CALN1: variants seen among roughly 807,000 people sequenced by gnomAD.
CALN1 encodes calneuron 1.
A neutral mutation model predicts 30.6 loss-of-function variants in CALN1; 17 were observed. That is an observed-to-expected ratio of 0.56 (90% CI 0.38 to 0.83). The LOEUF is 0.83. Ranked by LOEUF, CALN1 falls within the 40% of genes least tolerant of loss-of-function variation. The pLI, the probability that CALN1 is intolerant of heterozygous loss-of-function variation, is 0.00. For synonymous variants in CALN1, 156 were observed against 131.4 expected (o/e 1.19, Z -1.28); for missense variants, 291 against 354.9 (o/e 0.82, Z 1.45).
At chr7:71,929,236 A>G (rs943171666) in intron 5 of CALN1, among the ~76,000 whole-genome samples, 3 of 152,148 alleles carry the variant, frequency 2.0e-5, no homozygotes, top group African/African-American at 7.2e-5. Context: ...CTAGATATTC[A>G]GCCCAGAATC....
chr7:72,497,441 A>T, the CALN1 span, among the ~76,000 whole-genome samples: 1 of 152,208 alleles, frequency 6.6e-6, no homozygotes, highest in African/African-American at 2.4e-5. Context: ...CCCCATCTCA[A>T]AAAAAACAAA....
intron 3 of CALN1, among the ~76,000 whole-genome samples, chr7:72,147,068 C>T (rs1184940473): frequency 6.6e-6 from 1 of 152,202 alleles, no homozygotes; most frequent in East Asian, 1.9e-4. Context: ...GCAAGGACTT[C>T]ATGTCTAAAA....
At chr7:71,879,653 C>T (rs1792452272) in intron 5 of CALN1, among the ~76,000 whole-genome samples, 1 of 152,202 alleles carries the variant, frequency 6.6e-6, no homozygotes, top group South Asian at 2.1e-4. Context: ...CTCTGAAGAG[C>T]TCCAGGGTCC....
chr7:72,364,866 C>T (rs1437157339), intron 2 of CALN1, among the ~76,000 whole-genome samples: 1 of 152,196 alleles, frequency 6.6e-6, no homozygotes, highest in African/African-American at 2.4e-5. Context: ...GAAACCTCGT[C>T]TCTACTAAAA....
chr7:72,252,651 A>G (rs1373934311), intron 3 of CALN1, among the ~76,000 whole-genome samples: 1 of 150,502 alleles, frequency 6.6e-6, no homozygotes, highest in Non-Finnish European at 1.5e-5. Context: ...GGAGGGAGGG[A>G]CGGAGATCCA....
chr7:72,353,710 G>T (rs935787665), intron 2 of CALN1, among the ~76,000 whole-genome samples: 1 of 152,078 alleles, frequency 6.6e-6, no homozygotes, highest in Non-Finnish European at 1.5e-5. Flanking sequence ...AGTGAAATAA[G>T]TCAATAAAAA....
At chr7:72,220,433 A>G (rs988694667) in intron 3 of CALN1, among the ~76,000 whole-genome samples, 29 of 151,568 alleles carry the variant, frequency 1.9e-4, no homozygotes, top group African/African-American at 6.5e-4. Context: ...TTCTTAATCC[A>G]GTCTATTGTT....
intron 2 of CALN1, among the ~76,000 whole-genome samples, chr7:72,290,607 G>C (rs1242347344): frequency 6.6e-6 from 1 of 152,148 alleles, no homozygotes; most frequent in Non-Finnish European, 1.5e-5. Context: ...AATACCCAGA[G>C]TGGTTACTGG....
chr7:72,014,688 G>T (rs1800278462), intron 5 of CALN1, among the ~76,000 whole-genome samples: 1 of 152,038 alleles, frequency 6.6e-6, no homozygotes, highest in Non-Finnish European at 1.5e-5. Flanking sequence ...TTGAGACAGG[G>T]TCTCGCTCTG....
At position 72,334,522 on chromosome 7, in the gene CALN1, A is replaced by ACC. The variant is rs199877727; in HGVS notation, c.120-55714_120-55713dup. On this transcript the variant is annotated intron_variant, in intron 2 of 6. Transcript: ENST00000395275. ...AGTTGTCATCCACCCCTCAACCTGT[A>ACC]CCCCCCCTCCCCTTACAGAGGAAAG... 2.1e-4 allele frequency among the ~76,000 whole-genome samples: 32 copies of ACC among 151,456 alleles called. 1 individual carries two copies. The highest frequency in any genetic ancestry group is 7.3e-5 in the African/African-American group (3 of 40,998).
At chr7:72,211,820 A>C (rs1792417774) in intron 3 of CALN1, among the ~76,000 whole-genome samples, 1 of 152,116 alleles carries the variant, frequency 6.6e-6, no homozygotes, top group African/African-American at 2.4e-5. Flanking sequence ...TCCACGTATT[A>C]GCTGAGCCAG....
intron 3 of CALN1, among the ~76,000 whole-genome samples, chr7:72,195,717 C>A (rs1332286749): frequency 6.6e-6 from 1 of 152,070 alleles, no homozygotes; most frequent in Non-Finnish European, 1.5e-5. Flanking sequence ...TTCTTGGTGG[C>A]TAACACAGCA....
chr7:71,824,775 C>T (rs1000357020), intron 5 of CALN1, among the ~76,000 whole-genome samples: 5 of 152,224 alleles, frequency 3.3e-5, no homozygotes, highest in East Asian at 3.9e-4. Context: ...ATTTTCCTGC[C>T]GAGAGAGAGC....
chr7:71,961,642 AGCCATTCCCTC>A (rs1199741468), intron 5 of CALN1, among the ~76,000 whole-genome samples: 3 of 152,220 alleles, frequency 2.0e-5, no homozygotes, highest in African/African-American at 7.2e-5. Context: ...CATCTCCACA[AGCCATTCCCTC>A]CCTGCACCTC....
intron 3 of CALN1, among the ~76,000 whole-genome samples, chr7:72,275,841 G>A (rs1392359830): frequency 6.6e-5 from 10 of 152,196 alleles, no homozygotes; most frequent in East Asian, 1.9e-4. Flanking sequence ...GTCCAGGAAA[G>A]TGGAGGGCAT....
intron 5 of CALN1, among the ~76,000 whole-genome samples, chr7:71,879,436 T>G (rs1792440945): frequency 6.6e-6 from 1 of 152,130 alleles, no homozygotes; most frequent in Non-Finnish European, 1.5e-5. Flanking sequence ...GGAGATAAAC[T>G]CTTGCTGAGA....
At chr7:72,427,165 T>G (rs947626639) in intron 1 of CALN1, among the ~76,000 whole-genome samples, 1 of 152,106 alleles carries the variant, frequency 6.6e-6, no homozygotes, top group East Asian at 1.9e-4. Flanking sequence ...AAAAATTATT[T>G]GTAGAGATGG....
intron 4 of CALN1, among the ~76,000 whole-genome samples, chr7:72,062,524 A>AG (rs1411775882): frequency 6.1e-5 from 9 of 148,182 alleles, no homozygotes; most frequent in East Asian, 3.9e-4. Context: ...AAAAAAAAAA[A>AG]AAAAAAGAAA....
the CALN1 span, among the ~76,000 whole-genome samples, chr7:72,458,911 T>C: frequency 2.1e-5 from 3 of 145,640 alleles, no homozygotes; most frequent in South Asian, 6.3e-4. Flanking sequence ...GGGTTTTTTG[T>C]TTGTTTGTTT....
Sources: gnomAD v4.1 joint callset for allele counts (sites outside exome capture counted in the v4.1 genomes callset) on GRCh38, gnomAD v4.1.1 for gene constraint, MANE v1.5 for transcripts, NCBI Gene and HGNC (gene_info 2026-07-23, HGNC 2026-07-21) for gene names.